The following NRXN1 variants were observed in gnomAD, a reference collection of about 807,000 sequenced individuals.
The protein encoded by NRXN1 is neurexin-1.
NRXN1 carries 39 observed loss-of-function variants against 150.9 expected under a neutral mutation model. The observed-to-expected ratio is 0.26, with a 90% CI of 0.20 to 0.34. The LOEUF is 0.34. Among genes scored for constraint, NRXN1 ranks in the 10% least tolerant of loss-of-function variants. The probability of loss-of-function intolerance (pLI) is 1.00; values close to 1 mark genes in which losing one functional copy is unlikely to be tolerated. For synonymous variants in NRXN1, 924 were observed against 757.0 expected, an observed-to-expected ratio of 1.22 and a Z score of -3.62; for missense variants, 1,815 against 1,949.9, an observed-to-expected ratio of 0.93 and a Z score of 1.30.
chr2:50,365,282 A>G (rs2079508643), intron 17 of NRXN1, among the ~76,000 whole-genome samples: 1 of 152,102 alleles, frequency 6.6e-6, no homozygotes, highest in Non-Finnish European at 1.5e-5. Context: ...TTCAGATTTG[A>G]GAAAATTTGT....
At chr2:50,434,402 G>A (rs1462289242) in intron 17 of NRXN1, among the ~76,000 whole-genome samples, 1 of 151,936 alleles carries the variant, frequency 6.6e-6, no homozygotes, top group Admixed American at 6.6e-5. Context: ...TTTTCTATGG[G>A]TGGATTCCTC....
chr2:50,700,567 A>C (rs780295609), intron 5 of NRXN1, among the ~76,000 whole-genome samples: 38 of 152,228 alleles, frequency 2.5e-4, no homozygotes, highest in Non-Finnish European at 4.4e-5. Context: ...ATTAGTAATA[A>C]TAGCACCAAG....
chr2:50,828,629 TG>T (rs536742758), intron 5 of NRXN1, among the ~76,000 whole-genome samples: 38 of 144,232 alleles, frequency 2.6e-4, no homozygotes, highest in Admixed American at 1.9e-3. Context: ...TCTCAGAAGA[TG>T]GGTGGCCGGG....
chr2:50,465,570 C>G lies in NRXN1; in HGVS notation c.3245-9G>C, dbSNP rs1468495378. The G allele has an allele frequency of 1.9e-6, 3 of 1,599,362 alleles. No homozygotes were observed. Among genetic ancestry groups the G allele is most frequent in the East Asian group, 4.5e-5 (2 of 44,468 alleles). On this transcript the variant is annotated splice_polypyrimidine_tract_variant and intron_variant, in intron 16 of 22. Coordinates refer to ENST00000401669, the MANE Select transcript of NRXN1 (RefSeq NM_001330078.2). Reference sequence around the variant, plus strand: ...GCAGGTTGTGCTGGGCCCTGCAAAACAATCCAAAGGAAACTTGGGTTCTTT... The same window carrying G: ...GCAGGTTGTGCTGGGCCCTGCAAAAGAATCCAAAGGAAACTTGGGTTCTTT...
chr2:50,409,693 A>G (rs1008348257), intron 17 of NRXN1, among the ~76,000 whole-genome samples: 1 of 152,240 alleles, frequency 6.6e-6, no homozygotes, highest in Admixed American at 6.5e-5. Context: ...TTGGTTTTCC[A>G]AAGTTTAGTT....
At chr2:50,650,097 C>A (rs758463347) in intron 5 of NRXN1, among the ~76,000 whole-genome samples, 10 of 152,010 alleles carry the variant, frequency 6.6e-5, no homozygotes, top group Non-Finnish European at 1.2e-4. Flanking sequence ...GCACTGTCCT[C>A]TGGGTTTGCA....
At chr2:50,782,343 G>A (rs1207484130) in intron 5 of NRXN1, among the ~76,000 whole-genome samples, 1 of 151,984 alleles carries the variant, frequency 6.6e-6, no homozygotes, top group Non-Finnish European at 1.5e-5. Flanking sequence ...GGTGGCTCAT[G>A]CTTGTAGTCC....
intron 21 of NRXN1, among the ~76,000 whole-genome samples, chr2:49,959,078 A>T (rs1014045408): frequency 2.6e-4 from 39 of 152,194 alleles, no homozygotes; most frequent in African/African-American, 9.2e-4. Flanking sequence ...TTCTAAGCGA[A>T]TCTCAGTAAT....
intron 17 of NRXN1, among the ~76,000 whole-genome samples, chr2:50,399,175 A>G (rs1390553202): frequency 6.6e-6 from 1 of 152,116 alleles, no homozygotes; most frequent in Non-Finnish European, 1.5e-5. Flanking sequence ...TTAAGAGACG[A>G]ATTCAAGAAC....
intron 17 of NRXN1, among the ~76,000 whole-genome samples, chr2:50,362,049 G>GCC (rs558458366): frequency 1.3e-5 from 2 of 152,010 alleles, no homozygotes; most frequent in Non-Finnish European, 2.9e-5. Flanking sequence ...AAATTCAACA[G>GCC]CCCTTCATGC....
chr2:50,526,873 T>C (rs2092965724), intron 12 of NRXN1: 2 of 152,150 alleles, frequency 1.3e-5, no homozygotes, highest in South Asian at 4.1e-4. Flanking sequence ...TCCTCAAAGG[T>C]ATTATTCTGT....
chr2:50,079,965 T>C (rs2152682730), intron 19 of NRXN1, among the ~76,000 whole-genome samples: 1 of 152,200 alleles, frequency 6.6e-6, no homozygotes, highest in East Asian at 1.9e-4. Context: ...AATAAGCAAT[T>C]CATGCCATTT....
intron 5 of NRXN1, among the ~76,000 whole-genome samples, chr2:50,844,702 T>C (rs1013097090): frequency 2.6e-5 from 4 of 152,234 alleles, no homozygotes; most frequent in African/African-American, 7.2e-5. Context: ...CAGGTTTTCC[T>C]GCTTTTTCGA....
intron 15 of NRXN1, among the ~76,000 whole-genome samples, chr2:50,488,833 C>T (rs2091057125): frequency 6.6e-6 from 1 of 152,214 alleles, no homozygotes; most frequent in African/African-American, 2.4e-5. Context: ...CTGACAAAGA[C>T]AGCTCTTGAA....
intron 2 of NRXN1, among the ~76,000 whole-genome samples, chr2:50,944,942 T>G (rs527253955): frequency 2.6e-5 from 4 of 152,346 alleles, no homozygotes; most frequent in African/African-American, 7.2e-5. Context: ...TTTCTTTTTT[T>G]GGGAATTACT....
chr2:50,914,918 C>T (rs967298352), intron 5 of NRXN1, among the ~76,000 whole-genome samples: 5 of 151,566 alleles, frequency 3.3e-5, no homozygotes, highest in Admixed American at 6.6e-5. Flanking sequence ...TGAGACACAT[C>T]AGGGCAGGGT....
chr2:49,965,247 A>G (rs1239307992), intron 21 of NRXN1, among the ~76,000 whole-genome samples: 1 of 151,972 alleles, frequency 6.6e-6, no homozygotes, highest in Non-Finnish European at 1.5e-5. Flanking sequence ...TCTAATTATT[A>G]TAGACACCAG....
At chr2:50,275,899 T>C (rs604159) in intron 17 of NRXN1, among the ~76,000 whole-genome samples, 64,524 of 151,084 alleles carry the variant, frequency 0.43, 14,000 homozygotes, top group Middle Eastern at 0.47. Flanking sequence ...GTTTGTTTAA[T>C]GTGCCTGCAT....
intron 21 of NRXN1, among the ~76,000 whole-genome samples, chr2:49,953,732 A>C (rs1674402492): frequency 6.6e-6 from 1 of 152,034 alleles, no homozygotes; most frequent in Non-Finnish European, 1.5e-5. Flanking sequence ...AGGGAGTCAA[A>C]TTTCATATGT....
Sources: allele counts gnomAD v4.1 joint callset (sites outside exome capture counted in the v4.1 genomes callset), GRCh38; gene constraint gnomAD v4.1.1; transcripts MANE v1.5; gene names NCBI Gene and HGNC (gene_info 2026-07-23, HGNC 2026-07-21).